The following RBMS3 variants were observed in gnomAD, a reference collection of about 807,000 sequenced individuals.
RBMS3 encodes the protein RNA binding motif single stranded interacting protein 3.
A neutral mutation model predicts 66.8 loss-of-function variants in RBMS3; 27 were observed. That is an observed-to-expected ratio of 0.40 (90% CI 0.30 to 0.56). RBMS3 has a LOEUF of 0.56. RBMS3 is among the 20% of genes least tolerant of loss of function. The probability of loss-of-function intolerance (pLI) is 0.40; values close to 1 mark genes in which losing one functional copy is unlikely to be tolerated. For missense variants in RBMS3, 513 were observed against 549.5 expected, an observed-to-expected ratio of 0.93 and a Z score of 0.66; for synonymous variants, 188 against 183.0, an observed-to-expected ratio of 1.03 and a Z score of -0.22.
chr3:29,944,188 A>G lies in RBMS3; in HGVS notation c.1051-19A>G, dbSNP rs777931204. On this transcript the variant is annotated intron_variant, in intron 11 of 14. Coordinates refer to ENST00000383767, the MANE Select transcript of RBMS3 (RefSeq NM_001003793.3). ...TTTGTACTTCATTGCATTCTTTCTC[A>G]TGCTCTTTTCATTCAAAGATTCAAT... 6.4e-7 allele frequency: 1 copy of G among 1,568,764 alleles called. No homozygotes were observed. Among genetic ancestry groups the G allele is most frequent in the East Asian group, 2.2e-5 (1 of 44,556 alleles).
chr3:29,376,163 G>C (rs1206631877), intron 1 of RBMS3, among the ~76,000 whole-genome samples: 5 of 138,164 alleles, frequency 3.6e-5, no homozygotes, highest in African/African-American at 1.3e-4. Flanking sequence ...ACACATGATG[G>C]GGGAACAACA....
intron 1 of RBMS3, among the ~76,000 whole-genome samples, chr3:29,425,448 T>C (rs985047906): frequency 6.7e-6 from 1 of 150,142 alleles, no homozygotes; most frequent in African/African-American, 2.4e-5. Flanking sequence ...TATTAGACTG[T>C]AGGAAAAACC....
chr3:29,359,248 T>C (rs1285289718), intron 1 of RBMS3, among the ~76,000 whole-genome samples: 2 of 152,234 alleles, frequency 1.3e-5, no homozygotes, highest in Non-Finnish European at 2.9e-5. Flanking sequence ...TGAGAGGTTT[T>C]AGCATGAAGG....
At chr3:29,313,023 A>G (rs1243466519) in intron 1 of RBMS3, among the ~76,000 whole-genome samples, 1 of 151,738 alleles carries the variant, frequency 6.6e-6, no homozygotes, top group Non-Finnish European at 1.5e-5. Context: ...AGCCCTAAGC[A>G]AATAATCTTT....
At chr3:29,763,037 G>A (rs956478696) in intron 6 of RBMS3, 48 bp downstream of exon 6, 33 of 1,293,088 alleles carry the variant, frequency 2.6e-5, no homozygotes, top group Non-Finnish European at 3.6e-5. Flanking sequence ...GGCTTAAATT[G>A]CTCTTATTAG....
chr3:29,935,404 T>A lies in RBMS3; in HGVS notation c.940-682T>A, dbSNP rs191748121. ...ATTTAAAAGTTGACACTTTTATTTT[T>A]AAAAAAAAATTGTGGATGGACATAA... On this transcript the variant is annotated intron_variant, in intron 10 of 14. Coordinates refer to ENST00000383767, the MANE Select transcript of RBMS3 (RefSeq NM_001003793.3). Among the ~76,000 whole-genome samples the A allele has an allele frequency of 3.9e-3, 587 of 151,874 alleles. 2 individuals are homozygous for A. The highest frequency in any genetic ancestry group is 0.013 in the African/African-American group (534 of 41,452).
intron 4 of RBMS3, among the ~76,000 whole-genome samples, chr3:29,689,473 G>GAT (rs1291166927): frequency 6.6e-6 from 1 of 152,108 alleles, no homozygotes; most frequent in Non-Finnish European, 1.5e-5. Flanking sequence ...CAAAGCAGTA[G>GAT]ATATTCTCAG....
intron 4 of RBMS3, among the ~76,000 whole-genome samples, chr3:29,620,762 TC>T (rs2048837768): frequency 6.6e-6 from 1 of 152,102 alleles, no homozygotes; most frequent in Non-Finnish European, 1.5e-5. Context: ...TTATAAGTCA[TC>T]CTAGAACTCA....
intron 5 of RBMS3, among the ~76,000 whole-genome samples, chr3:29,747,032 G>A (rs998971350): frequency 5.3e-5 from 8 of 152,178 alleles, no homozygotes; most frequent in African/African-American, 1.9e-4. Flanking sequence ...ACCTGTACCT[G>A]CTGTAAACAC....
At chr3:29,359,086 G>T (rs1256926014) in intron 1 of RBMS3, among the ~76,000 whole-genome samples, 2 of 152,138 alleles carry the variant, frequency 1.3e-5, no homozygotes, top group African/African-American at 4.8e-5. Flanking sequence ...ACACTATGTT[G>T]AATAGGAGTG....
chr3:29,313,425 A>G (rs751523703), intron 1 of RBMS3, among the ~76,000 whole-genome samples: 19 of 151,768 alleles, frequency 1.3e-4, no homozygotes, highest in Non-Finnish European at 1.5e-5. Context: ...GTCCATGGGC[A>G]TGAAGGCACT....
chr3:29,377,629 A>G (rs1313551313), intron 1 of RBMS3, among the ~76,000 whole-genome samples: 3 of 152,186 alleles, frequency 2.0e-5, no homozygotes, highest in Admixed American at 6.5e-5. Context: ...GAGTTCCATT[A>G]AAAGTCCAAA....
intron 12 of RBMS3, among the ~76,000 whole-genome samples, chr3:29,950,108 A>C (rs1695579968): frequency 6.6e-6 from 1 of 151,784 alleles, no homozygotes; most frequent in South Asian, 2.1e-4. Context: ...TCCGATTATA[A>C]GGGAAAGCTT....
intron 4 of RBMS3, among the ~76,000 whole-genome samples, chr3:29,735,504 T>C (rs552105258): frequency 4.6e-5 from 7 of 152,310 alleles, no homozygotes; most frequent in African/African-American, 1.7e-4. Context: ...GACAGTTATA[T>C]GTAATAGATG....
chr3:29,303,329 A>G (rs145005433), intron 1 of RBMS3, among the ~76,000 whole-genome samples: 3 of 152,126 alleles, frequency 2.0e-5, no homozygotes, highest in African/African-American at 7.2e-5. Context: ...CACTGCTCAG[A>G]AATATTTCAC....
At chr3:29,738,473 AT>A (rs2054477518) in intron 4 of RBMS3, among the ~76,000 whole-genome samples, 1 of 152,238 alleles carries the variant, frequency 6.6e-6, no homozygotes, top group South Asian at 2.1e-4. Flanking sequence ...AATTCATTAT[AT>A]AAAATAGAGA....
At position 29,712,411 on chromosome 3, in the gene RBMS3, CAAG is replaced by C. The variant is rs578246304; in HGVS notation, c.400-27308_400-27306del. On this transcript the variant is annotated intron_variant, in intron 4 of 14. Transcript: ENST00000383767. The stretch of plus-strand genomic sequence containing the variant: ...CACTGCAACCTCTGCTTCCCAGGCT[CAAG>C]TGATCCTCCTACGTCAGCCTCCCAA... 2.9e-3 allele frequency among the ~76,000 whole-genome samples: 439 copies of C among 152,228 alleles called. 1 individual carries two copies. Among genetic ancestry groups the C allele is most frequent in the African/African-American group, 9.9e-3 (410 of 41,546 alleles).
chr3:29,920,584 T>C (rs2060745900), intron 10 of RBMS3, among the ~76,000 whole-genome samples: 1 of 151,582 alleles, frequency 6.6e-6, no homozygotes, highest in South Asian at 2.1e-4. Context: ...CATTTCATAT[T>C]TGGATATATC....
At chr3:29,986,615 T>C (rs1328264377) in intron 12 of RBMS3, among the ~76,000 whole-genome samples, 1 of 152,206 alleles carries the variant, frequency 6.6e-6, no homozygotes, top group African/African-American at 2.4e-5. Flanking sequence ...GGAACTGTTA[T>C]CTACAACATA....
Sources: gnomAD v4.1 joint callset for allele counts (sites outside exome capture counted in the v4.1 genomes callset) on GRCh38, gnomAD v4.1.1 for gene constraint, MANE v1.5 for transcripts, NCBI Gene and HGNC (gene_info 2026-07-23, HGNC 2026-07-21) for gene names.